Variants in LTBP1 observed in about 807,000 individuals in gnomAD.
The protein encoded by LTBP1 is latent-transforming growth factor beta-binding protein 1.
In LTBP1, 129 loss-of-function variants were observed where a neutral mutation model predicts 207.6. The observed-to-expected ratio is 0.62, with a 90% CI of 0.54 to 0.72. The LOEUF is 0.72. Among genes scored for constraint, LTBP1 ranks in the 30% least tolerant of loss-of-function variants. The pLI is 0.00. For synonymous variants in LTBP1, 963 were observed against 833.7 expected (o/e 1.16, Z -2.67); for missense variants, 2,281 against 2,217.2 (o/e 1.03, Z -0.58).
At chr2:32,998,341 C>T (rs1350575260) in intron 2 of LTBP1, among the ~76,000 whole-genome samples, 1 of 151,232 alleles carries the variant, frequency 6.6e-6, no homozygotes, top group Non-Finnish European at 1.5e-5. Flanking sequence ...CATGGTGAAA[C>T]CCTGTCTCTA....
At chr2:33,154,866 T>C (rs147104967) in intron 5 of LTBP1, among the ~76,000 whole-genome samples, 2,281 of 152,162 alleles carry the variant, frequency 0.015, 22 homozygotes, top group East Asian at 0.027. Context: ...AGTTCGAAAC[T>C]AGCCTGACCA....
At chr2:33,089,451 TG>T (rs1252803090) in intron 3 of LTBP1, among the ~76,000 whole-genome samples, 1 of 152,084 alleles carries the variant, frequency 6.6e-6, no homozygotes, top group Non-Finnish European at 1.5e-5. Flanking sequence ...TGTCATGGCT[TG>T]GGGGAGGGTC....
At chr2:33,070,217 CTATT>C (rs2077721747) in intron 3 of LTBP1, among the ~76,000 whole-genome samples, 1 of 152,152 alleles carries the variant, frequency 6.6e-6, no homozygotes, top group African/African-American at 2.4e-5. Flanking sequence ...TCAGAAATAT[CTATT>C]TGTTTTTCCT....
chr2:33,374,022 A>G (rs1371066947), intron 31 of LTBP1, among the ~76,000 whole-genome samples: 1 of 152,188 alleles, frequency 6.6e-6, no homozygotes, highest in East Asian at 1.9e-4. Flanking sequence ...ATATCTGTGC[A>G]TGGCTCTTAG....
chr2:33,112,671 T>G (rs752741429), intron 4 of LTBP1, among the ~76,000 whole-genome samples: 2 of 152,132 alleles, frequency 1.3e-5, no homozygotes, highest in Non-Finnish European at 2.9e-5. Flanking sequence ...TTAAAAGAGA[T>G]AATTTGGCAG....
chr2:33,397,998 G>C (rs922032163), intron 33 of LTBP1, among the ~76,000 whole-genome samples: 2 of 152,182 alleles, frequency 1.3e-5, no homozygotes, highest in African/African-American at 4.8e-5. Context: ...TAGACAGGCT[G>C]TATGGAGAGG....
chr2:33,251,357 C>G (rs2092678333), intron 10 of LTBP1, among the ~76,000 whole-genome samples: 1 of 152,172 alleles, frequency 6.6e-6, no homozygotes, highest in South Asian at 2.1e-4. Context: ...AAGTCCTCCC[C>G]TAAAAGAGAT....
At chr2:33,101,288 A>G (rs1404944387) in intron 3 of LTBP1, among the ~76,000 whole-genome samples, 2 of 152,216 alleles carry the variant, frequency 1.3e-5, no homozygotes, top group Admixed American at 1.3e-4. Flanking sequence ...ATGAAACTTT[A>G]GAAAGTAAGC....
intron 23 of LTBP1, among the ~76,000 whole-genome samples, chr2:33,310,453 T>C (rs914974352): frequency 7.2e-5 from 11 of 152,236 alleles, no homozygotes; most frequent in African/African-American, 2.7e-4. Flanking sequence ...TTCAGTGTGC[T>C]GAGTACTGTA....
chr2:33,231,794 C>T lies in LTBP1; in HGVS notation c.1876+9643C>T, dbSNP rs12386203. Among the ~76,000 whole-genome samples the T allele has an allele frequency of 5.3e-5, 8 of 152,242 alleles. No homozygotes were observed. In the East Asian group the frequency reaches 1.5e-3, roughly 29 times the overall value. On this transcript the variant is annotated intron_variant, in intron 9 of 33. Coordinates refer to ENST00000404816, the MANE Select transcript of LTBP1 (RefSeq NM_206943.4). ...TTAAGGCAAAGCTCTTATAATTAATCGAACCATTTGCATGCAATTAATTAT... is the reference window on the plus strand; with the variant it reads ...TTAAGGCAAAGCTCTTATAATTAATTGAACCATTTGCATGCAATTAATTAT...
chr2:33,307,030 G>A (rs1002634041), intron 22 of LTBP1, among the ~76,000 whole-genome samples: 2 of 152,198 alleles, frequency 1.3e-5, no homozygotes, highest in Admixed American at 6.5e-5. Flanking sequence ...GGAGGTTGCA[G>A]TGAGCCGAGA....
chr2:33,191,996 G>A (rs74526337), intron 7 of LTBP1, among the ~76,000 whole-genome samples: 4,685 of 152,266 alleles, frequency 0.031, 102 homozygotes, highest in Middle Eastern at 0.14. Context: ...GCTTTGTAGG[G>A]TAGAATTTCA....
intron 7 of LTBP1, among the ~76,000 whole-genome samples, chr2:33,215,915 A>G (rs975750899): frequency 1.3e-5 from 2 of 151,734 alleles, no homozygotes; most frequent in African/African-American, 2.4e-5. Context: ...GGGTTTCACC[A>G]TGTTGGCCAG....
At chr2:33,297,753 CA>C (rs1347433193) in intron 20 of LTBP1, among the ~76,000 whole-genome samples, 2 of 151,642 alleles carry the variant, frequency 1.3e-5, no homozygotes, top group Admixed American at 6.6e-5. Flanking sequence ...CAAAACAAAA[CA>C]AAAACAAAAA....
chr2:33,148,407 G>T (rs2083232067), intron 5 of LTBP1, among the ~76,000 whole-genome samples: 1 of 152,128 alleles, frequency 6.6e-6, no homozygotes, highest in African/African-American at 2.4e-5. Context: ...TACCTGAATT[G>T]TCCAGATTTG....
intron 5 of LTBP1, among the ~76,000 whole-genome samples, chr2:33,182,065 C>T (rs1024865154): frequency 6.6e-6 from 1 of 152,080 alleles, no homozygotes; most frequent in South Asian, 2.1e-4. Flanking sequence ...AATGCTAGAA[C>T]TGGAGAATAG....
chr2:33,310,183 G>A (rs950696196), intron 23 of LTBP1, among the ~76,000 whole-genome samples: 2 of 151,986 alleles, frequency 1.3e-5, no homozygotes, highest in African/African-American at 4.8e-5. Flanking sequence ...ACCTGACCTC[G>A]TGATCCACCC....
intron 3 of LTBP1, among the ~76,000 whole-genome samples, chr2:33,025,507 C>G (rs1430398835): frequency 6.6e-6 from 1 of 152,128 alleles, no homozygotes; most frequent in East Asian, 1.9e-4. Context: ...ATTAACCAAT[C>G]ACAGTATTTT....
At chr2:33,269,273 T>G (rs2093261897) in intron 15 of LTBP1, among the ~76,000 whole-genome samples, 1 of 152,228 alleles carries the variant, frequency 6.6e-6, no homozygotes, top group Non-Finnish European at 1.5e-5. Context: ...GCCTTGTTGC[T>G]GGTATAAATA....
Sources: allele counts gnomAD v4.1 joint callset (sites outside exome capture counted in the v4.1 genomes callset), GRCh38; gene constraint gnomAD v4.1.1; transcripts MANE v1.5; gene names NCBI Gene and HGNC (gene_info 2026-07-23, HGNC 2026-07-21).